Variants in TNFRSF10A observed in about 807,000 individuals in gnomAD.
The protein encoded by TNFRSF10A is tumor necrosis factor receptor superfamily member 10A.
A neutral mutation model predicts 42.8 loss-of-function variants in TNFRSF10A; 44 were observed. The ratio of observed to expected loss-of-function variants is 1.03; its 90% CI spans 0.81 to 1.32. The LOEUF is 1.32. Ranked by LOEUF, TNFRSF10A falls within the 40% of genes most tolerant of loss-of-function variation. The pLI is 0.00. For synonymous variants in TNFRSF10A, 259 were observed against 234.2 expected, an observed-to-expected ratio of 1.11 and a Z score of -0.97; for missense variants, 680 against 602.0, an observed-to-expected ratio of 1.13 and a Z score of -1.36.
At chr8:23,207,350 A>T (rs535099898) in intron 2 of TNFRSF10A, 6 of 585,222 alleles carry the variant, frequency 1.0e-5, no homozygotes, top group South Asian at 8.2e-5. Context: ...GATGTTGCCA[A>T]CAAAATTGGG....
rs1800951267 is a variant in TNFRSF10A at position 23,202,754 on chromosome 8, A to G, written c.411T>C (p.His137=). 1 of 1,610,318 alleles carries G rather than the reference A, an allele frequency of 6.2e-7. No homozygotes were observed. The highest frequency in any genetic ancestry group is 8.5e-7 in the Non-Finnish European group (1 of 1,176,662). The change falls in exon 3 of 10, where the codon CAT becomes CAC. Residue 137 remains histidine (H), a synonymous_variant. Transcript: ENST00000221132. ...TACAGGCTCCAGGATGTTCTGATCT[A>G]TGAGATCCTGGGAAGGGAGAGAAAA... ...PLGELCPPGS[H]RSEHPGACNR... is the part of the protein sequence containing the mutation.
At position 23,225,086 on chromosome 8, in the gene TNFRSF10A, G is replaced by T. The variant is rs1235268174; in HGVS notation, c.-25C>A. 1.3e-6 allele frequency: 2 copies of T among 1,485,236 alleles called. No homozygotes were observed. Among genetic ancestry groups the T allele is most frequent in the Non-Finnish European group, 1.8e-6 (2 of 1,119,986 alleles). 92.0% of individuals were successfully genotyped at this position (1,485,236 alleles called of 1,614,324 possible). A position where few individuals can be genotyped will look rare whatever the true frequency, so the allele number is the denominator to read the frequency against. ...TCCTGCCAGGTCAATCCAAGAAGCA[G>T]CGTGCTTGGCTATGACAAGACAGAA... On this transcript the variant is annotated 5_prime_UTR_variant, in exon 1 of 10. It adds an upstream start codon to the 5' untranslated region. Transcript: ENST00000221132.
chr8:23,201,946 A>C lies in TNFRSF10A; in HGVS notation c.518-27T>G, dbSNP rs112774695. ...TGATGACAGAGTACAAGGTTTTGGG[A>C]ATGTGTTTCCCTGACGTGTCCCTTG... On this transcript the variant is annotated intron_variant, in intron 3 of 9. Coordinates refer to ENST00000221132, the MANE Select transcript of TNFRSF10A (RefSeq NM_003844.4). The C allele has an allele frequency of 1.0e-3, 1,626 of 1,605,844 alleles. 15 individuals are homozygous for C. The African/African-American group carries it at 0.019, about 19-fold the overall frequency.
chr8:23,191,654 T>C lies in TNFRSF10A; in HGVS notation c.*40A>G, dbSNP rs2128845752. The C allele has an allele frequency of 6.4e-7, 1 of 1,564,174 alleles. No individual in the cohort carries two copies. On this transcript the variant is annotated 3_prime_UTR_variant, in exon 10 of 10. Coordinates refer to ENST00000221132, the MANE Select transcript of TNFRSF10A (RefSeq NM_003844.4). ...AAAAAAAAACCTAATATGTATTAAC[T>C]CCTAACACCTAAGAGGAAACCTCTG...
chr8:23,212,065 G>A (rs745812580), intron 2 of TNFRSF10A, 51 bp downstream of exon 2: 28 of 1,496,314 alleles, frequency 1.9e-5, no homozygotes, highest in Non-Finnish European at 2.3e-5. Context: ...ATATAGTATA[G>A]GGTAAGGAAA....
At chr8:23,202,819 G>T in intron 2 of TNFRSF10A, 58 bp from the exon 3 acceptor site, 1 of 1,256,590 alleles carries the variant, frequency 8.0e-7, no homozygotes, top group Non-Finnish European at 1.2e-6. Context: ...AGAGGATCGT[G>T]GCGGTGGCTA....
At chr8:23,218,617 T>C (rs537639527) in intron 1 of TNFRSF10A, among the ~76,000 whole-genome samples, 12 of 151,944 alleles carry the variant, frequency 7.9e-5, no homozygotes, top group Non-Finnish European at 1.6e-4. Context: ...ATTCTGGAAA[T>C]AAGAGGTGGC....
chr8:23,222,732 T>C (rs901732983), intron 1 of TNFRSF10A, among the ~76,000 whole-genome samples: 3 of 152,168 alleles, frequency 2.0e-5, no homozygotes, highest in African/African-American at 7.2e-5. Context: ...CTGTTGGGGT[T>C]TGGGGTGGAT....
At chr8:23,192,532 A>G (rs1191264602) in intron 9 of TNFRSF10A, among the ~76,000 whole-genome samples, 1 of 152,214 alleles carries the variant, frequency 6.6e-6, no homozygotes, top group Non-Finnish European at 1.5e-5. Context: ...ACCTGAAGAC[A>G]GAGCAAACCT....
At chr8:23,224,568 C>T (rs1363982985) in intron 1 of TNFRSF10A, 188 bp downstream of exon 1, 2 of 714,656 alleles carry the variant, frequency 2.8e-6, no homozygotes, top group Non-Finnish European at 4.5e-6. Flanking sequence ...GCCTCCAGGC[C>T]CGGGTCGCTC....
chr8:23,191,763 G>T lies in TNFRSF10A; in HGVS notation c.1338C>A (p.Asp446Glu). ...TGAACTTTCCAGAGTCCACCAAGAG[G>T]TCCTGAATCTTCTCTCTTGCATGTC... is the stretch of plus-strand genomic sequence containing the variant. ...EERHAREKIQ[D>E]LLVDSGKFIY... is the part of the protein sequence containing the mutation. Residue 446 changes from aspartate to glutamate, a missense_variant, in exon 10 of 10, where the codon GAC becomes GAA. Coordinates refer to ENST00000221132, the MANE Select transcript of TNFRSF10A (RefSeq NM_003844.4). 6.2e-7 allele frequency: 1 copy of T among 1,614,168 alleles called. No individual in the cohort carries two copies. The highest frequency in any genetic ancestry group is 1.1e-5 in the South Asian group (1 of 91,078).
At position 23,199,896 on chromosome 8, in the gene TNFRSF10A, C is replaced by T; in HGVS notation, c.821G>A (p.Cys274Tyr). ...IGSGCGGDPK[C>Y]MDRVCFWRLG... ...GAGAAATCAACTCACCCTGTCCATG[C>T]ACTTGGGGTCCCCTCCACAACCTAG... is the stretch of plus-strand genomic sequence containing the variant. Residue 274 changes from cysteine (C) to tyrosine (Y), a missense_variant, in exon 7 of 10, where the codon TGC (cysteine) becomes TAC (tyrosine). Coordinates refer to ENST00000221132, the MANE Select transcript of TNFRSF10A (RefSeq NM_003844.4). 6.2e-7 allele frequency: 1 copy of T among 1,614,170 alleles called. No homozygotes were observed. Among genetic ancestry groups the T allele is most frequent in the Non-Finnish European group, 8.5e-7 (1 of 1,180,012 alleles).
chr8:23,213,871 G>A (rs1801135648), intron 1 of TNFRSF10A, among the ~76,000 whole-genome samples: 1 of 151,940 alleles, frequency 6.6e-6, no homozygotes, highest in Non-Finnish European at 1.5e-5. Flanking sequence ...TGTAACTTAT[G>A]GTATATTGTT....
intron 9 of TNFRSF10A, among the ~76,000 whole-genome samples, chr8:23,194,704 T>C (rs933967761): frequency 6.6e-6 from 1 of 152,232 alleles, no homozygotes; most frequent in Non-Finnish European, 1.5e-5. Flanking sequence ...CTTTAAATGA[T>C]GGTGTCTAAT....
chr8:23,205,224 G>A (rs766350248), intron 2 of TNFRSF10A, among the ~76,000 whole-genome samples: 2 of 152,050 alleles, frequency 1.3e-5, no homozygotes, highest in Non-Finnish European at 2.9e-5. Context: ...TTATAGTCAC[G>A]CACTGCATGA....
chr8:23,213,779 G>GTAGA (rs768567126), intron 1 of TNFRSF10A, among the ~76,000 whole-genome samples: 1 of 151,964 alleles, frequency 6.6e-6, no homozygotes, highest in Non-Finnish European at 1.5e-5. Flanking sequence ...TATGTAAAAG[G>GTAGA]TAGATTGTTC....
At chr8:23,220,416 C>T (rs1585289170) in intron 1 of TNFRSF10A, among the ~76,000 whole-genome samples, 1 of 152,222 alleles carries the variant, frequency 6.6e-6, no homozygotes, top group South Asian at 2.1e-4. Flanking sequence ...GAAGCTTAGA[C>T]ACTCAGGCTA....
chr8:23,214,747 C>T (rs923453903), intron 1 of TNFRSF10A, among the ~76,000 whole-genome samples: 5 of 152,120 alleles, frequency 3.3e-5, no homozygotes, highest in African/African-American at 1.2e-4. Flanking sequence ...GACATACACA[C>T]GCTTTTACTA....
At chr8:23,224,554 T>C in intron 1 of TNFRSF10A, 1 of 638,720 alleles carries the variant, frequency 1.6e-6, no homozygotes, top group East Asian at 3.1e-5. Flanking sequence ...GAGGGGGCTC[T>C]GCTGCCTCCA....
Sources: allele counts gnomAD v4.1 joint callset (sites outside exome capture counted in the v4.1 genomes callset), GRCh38; gene constraint gnomAD v4.1.1; transcripts MANE v1.5; gene names NCBI Gene and HGNC (gene_info 2026-07-23, HGNC 2026-07-21).